Variants in DGLUCY observed in about 807,000 individuals in gnomAD.
DGLUCY encodes D-glutamate cyclase, mitochondrial.
Under a neutral mutation model 58.5 loss-of-function variants are expected in DGLUCY, and 58 were observed. The ratio of observed to expected loss-of-function variants is 0.99; its 90% CI spans 0.80 to 1.23. The LOEUF is 1.23. DGLUCY is among the 50% of genes most tolerant of loss of function. The pLI, the probability that DGLUCY is intolerant of heterozygous loss-of-function variation, is 0.00. For synonymous variants in DGLUCY, 325 were observed against 314.1 expected (o/e 1.03, Z -0.37); for missense variants, 779 against 784.7 (o/e 0.99, Z 0.09).
intron 1 of DGLUCY, among the ~76,000 whole-genome samples, chr14:91,077,319 AAGG>A (rs2044037643): frequency 6.7e-6 from 1 of 149,950 alleles, no homozygotes. Flanking sequence ...GGGAGGAAGG[AAGG>A]AGAGAGAGAG....
Position 91,188,978 on chromosome 14 carries a change from G to T in DGLUCY, c.1003G>T (p.Ala335Ser). The T allele has an allele frequency of 6.2e-7, 1 of 1,614,170 alleles. No individual in the cohort carries two copies. The highest frequency in any genetic ancestry group is 1.6e-4 in the Middle Eastern group (1 of 6,062). Residue 335 changes from alanine (A) to serine (S), a missense_variant, in exon 9 of 14, where the codon GCC becomes TCC. By Grantham distance (99) the Ala-to-Ser change is moderately conservative. Coordinates refer to ENST00000256324, the MANE Select transcript of DGLUCY (RefSeq NM_001102368.3). ...GAAGGCCTCTCTCTCGCTGTCCCATGCCCGCTCAGTGCTCATCACCACTGG... is the reference window on the plus strand; with the variant it reads ...GAAGGCCTCTCTCTCGCTGTCCCATTCCCGCTCAGTGCTCATCACCACTGG... ...LLKASLSLSH[A>S]RSVLITTGFP...
At chr14:91,116,996 C>T (rs967781361) in intron 1 of DGLUCY, among the ~76,000 whole-genome samples, 2 of 150,686 alleles carry the variant, frequency 1.3e-5, no homozygotes, top group East Asian at 1.9e-4. Flanking sequence ...ATGGGCTGCT[C>T]GACTGAGTAT....
chr14:91,171,618 TG>T (rs1184044882), intron 5 of DGLUCY, among the ~76,000 whole-genome samples: 1 of 152,244 alleles, frequency 6.6e-6, no homozygotes, highest in African/African-American at 2.4e-5. Flanking sequence ...GGTTCCATCC[TG>T]CTGCCGCCAG....
chr14:91,106,606 C>G (rs1041992910), upstream of DGLUCY, among the ~76,000 whole-genome samples: 2 of 151,552 alleles, frequency 1.3e-5, no homozygotes, highest in Non-Finnish European at 2.9e-5. Context: ...ACGCGGGAGG[C>G]TGAGGCATGA....
intron 9 of DGLUCY, among the ~76,000 whole-genome samples, chr14:91,191,785 A>G (rs1417858204): frequency 6.6e-6 from 1 of 152,158 alleles, no homozygotes; most frequent in Admixed American, 6.6e-5. Flanking sequence ...GTGTGAGGAG[A>G]AGGATCAGGG....
chr14:91,068,105 A>G (rs962387236), intron 1 of DGLUCY, among the ~76,000 whole-genome samples: 42 of 151,936 alleles, frequency 2.8e-4, no homozygotes, highest in Non-Finnish European at 3.5e-4. Flanking sequence ...ACACACACAC[A>G]CACACACACA....
exon 1 of DGLUCY, chr14:91,060,575 T>C: frequency 9.1e-7 from 1 of 1,102,548 alleles, no homozygotes; most frequent in Non-Finnish European, 1.2e-6. Flanking sequence ...GACGAGTCTC[T>C]TTCCCGCTCT....
At chr14:91,073,648 A>G (rs1397463849) in intron 1 of DGLUCY, among the ~76,000 whole-genome samples, 1 of 152,134 alleles carries the variant, frequency 6.6e-6, no homozygotes, top group African/African-American at 2.4e-5. Flanking sequence ...CAAAAGGGTT[A>G]TCTGGTTGCT....
intron 10 of DGLUCY, 77 bp from the exon 11 acceptor site, chr14:91,199,680 A>G (rs1034789089): frequency 4.6e-6 from 7 of 1,509,690 alleles, no homozygotes; most frequent in Non-Finnish European, 6.3e-6. Flanking sequence ...TTTCGCGCAA[A>G]CACAAGAAGG....
At position 91,126,233 on chromosome 14, in the gene DGLUCY, G is replaced by A. The variant is rs536741449; in HGVS notation, c.-82+11950G>A. 1.9e-4 allele frequency among the ~76,000 whole-genome samples: 29 copies of A among 152,214 alleles called. No homozygotes were observed. In the East Asian group the frequency reaches 4.1e-3, roughly 21 times the overall value. ...TAGGAGTTCTACGTCAATGTATTAGGGGGACTATATTCCCTCTGATGCCTC... is the reference window on the plus strand; with the variant it reads ...TAGGAGTTCTACGTCAATGTATTAGAGGGACTATATTCCCTCTGATGCCTC... On this transcript the variant is annotated intron_variant, in intron 1 of 13. Coordinates refer to ENST00000256324, the MANE Select transcript of DGLUCY (RefSeq NM_001102368.3).
At chr14:91,065,340 C>G (rs1036999651) in intron 1 of DGLUCY, among the ~76,000 whole-genome samples, 1 of 152,218 alleles carries the variant, frequency 6.6e-6, no homozygotes. Flanking sequence ...GGGCAACAAC[C>G]TGGTTAAAGT....
chr14:91,183,003 A>G (rs1164854437), intron 8 of DGLUCY, among the ~76,000 whole-genome samples: 4 of 136,044 alleles, frequency 2.9e-5, no homozygotes, highest in African/African-American at 5.5e-5. Flanking sequence ...ATTTTATTTT[A>G]TTTTTTGAGA....
rs574429337 is a variant in DGLUCY, at chr14:91,209,392, T to C, written c.1564+4567T>C. On this transcript the variant is annotated intron_variant, in intron 12 of 13. Coordinates refer to ENST00000256324, the MANE Select transcript of DGLUCY (RefSeq NM_001102368.3). ...ACTATATCAATAATCACCATAAATG[T>C]CAATGCCACAGTGAACTTAAAAAAT... 5.9e-5 allele frequency among the ~76,000 whole-genome samples: 9 copies of C among 151,928 alleles called. No homozygotes were observed. The East Asian group carries it at 1.8e-3, about 30-fold the overall frequency.
At chr14:91,096,441 A>T (rs1391712374) in intron 1 of DGLUCY, among the ~76,000 whole-genome samples, 2 of 151,778 alleles carry the variant, frequency 1.3e-5, no homozygotes, top group African/African-American at 4.8e-5. Flanking sequence ...GGTGGGAAGG[A>T]AGAACCAGCA....
In DGLUCY at chr14:91,126,919, C is replaced by A. The variant is rs1190341887; in HGVS notation, c.-82+12636C>A. Among the ~76,000 whole-genome samples the A allele has an allele frequency of 2.0e-5, 3 of 152,162 alleles. No individual in the cohort carries two copies. In the East Asian group the frequency reaches 5.8e-4, roughly 29 times the overall value. ...ATAGCCACTGCACTCCACCCCTTGA[C>A]TGCCTGGCATCCATCCATGGCCTTT... On this transcript the variant is annotated intron_variant, in intron 1 of 13. Transcript: ENST00000256324.
intron 1 of DGLUCY, among the ~76,000 whole-genome samples, chr14:91,157,222 G>GATGGATGGATGGATGA (rs1222217616): frequency 7.0e-6 from 1 of 143,836 alleles, no homozygotes; most frequent in African/African-American, 2.7e-5. Flanking sequence ...TGGGTGGATG[G>GATGGATGGATGGATGA]ATGGATGGGT....
At chr14:91,181,479 G>A in intron 8 of DGLUCY, 90 bp downstream of exon 8, 2 of 1,333,970 alleles carry the variant, frequency 1.5e-6, no homozygotes, top group Non-Finnish European at 2.1e-6. Flanking sequence ...TGAAAAAGGT[G>A]GGATGCAAAA....
chr14:91,097,030 G>C (rs1307040127), intron 1 of DGLUCY, among the ~76,000 whole-genome samples: 4 of 152,178 alleles, frequency 2.6e-5, no homozygotes, highest in Non-Finnish European at 4.4e-5. Flanking sequence ...TGGTTGCCTT[G>C]GGCTGGAGAA....
chr14:91,092,756 T>C (rs182190501), intron 1 of DGLUCY, among the ~76,000 whole-genome samples: 4 of 152,234 alleles, frequency 2.6e-5, no homozygotes, highest in Admixed American at 2.6e-4. Flanking sequence ...AATCCAGACA[T>C]CTCTCTGCGG....
Sources: gnomAD v4.1 joint callset for allele counts (sites outside exome capture counted in the v4.1 genomes callset) on GRCh38, gnomAD v4.1.1 for gene constraint, MANE v1.5 for transcripts, NCBI Gene and HGNC (gene_info 2026-07-23, HGNC 2026-07-21) for gene names.